PLA2G6: variants seen among roughly 807,000 people sequenced by gnomAD.
The protein encoded by PLA2G6 is 85/88 kDa calcium-independent phospholipase A2.
PLA2G6 carries 62 observed loss-of-function variants against 83.8 expected under a neutral mutation model. That is an observed-to-expected ratio of 0.74 (90% CI 0.60 to 0.91). The LOEUF is 0.91. Among genes scored for constraint, PLA2G6 ranks in the 40% least tolerant of loss-of-function variants. The pLI is 0.00. For missense variants in PLA2G6, 944 were observed against 1,102.0 expected, an observed-to-expected ratio of 0.86 and a Z score of 2.03; for synonymous variants, 417 against 449.8, an observed-to-expected ratio of 0.93 and a Z score of 0.92.
At chr22:38,113,408 C>A in intron 15 of PLA2G6, 79 bp downstream of exon 15, 1 of 1,369,074 alleles carries the variant, frequency 7.3e-7, no homozygotes, top group South Asian at 1.2e-5. Context: ...ACACCAAAGG[C>A]CCCACAGGAT....
At chr22:38,162,845 G>A (rs975837506) in intron 2 of PLA2G6, among the ~76,000 whole-genome samples, 4 of 152,154 alleles carry the variant, frequency 2.6e-5, no homozygotes, top group South Asian at 2.1e-4. Flanking sequence ...CGGGGCAAGC[G>A]GGTCCTTCAA....
intron 7 of PLA2G6, chr22:38,130,125 TG>T: frequency 4.7e-6 from 1 of 214,304 alleles, no homozygotes; most frequent in Non-Finnish European, 9.5e-6. Context: ...GAGGACACAC[TG>T]GCCACCTGGA....
In PLA2G6 at chr22:38,132,092, G is replaced by C; in HGVS notation, c.1077+739C>G. The C allele has an allele frequency of 2.2e-6, 1 of 454,722 alleles. No individual in the cohort carries two copies. Among genetic ancestry groups the C allele is most frequent in the Non-Finnish European group, 4.4e-6 (1 of 226,348 alleles). 28.2% of individuals were successfully genotyped at this position (454,722 alleles called of 1,614,324 possible). A position where few individuals can be genotyped will look rare whatever the true frequency, so the allele number is the denominator to read the frequency against. ...ATCGCGCCACTGCACTCCAGCCTGG[G>C]CGACAGTGCGAGACTCCATCTCGAA... On this transcript the variant is annotated intron_variant, in intron 7 of 16. Coordinates refer to ENST00000332509, the MANE Select transcript of PLA2G6 (RefSeq NM_003560.4). This position sits in a 1 kb window ranked among gnomAD's most constrained non-coding sequence, Gnocchi z 5.0.
chr22:38,112,157 A>G lies in PLA2G6; in HGVS notation c.*4T>C. On this transcript the variant is annotated 3_prime_UTR_variant, in exon 17 of 17. Coordinates refer to ENST00000332509, the MANE Select transcript of PLA2G6 (RefSeq NM_003560.4). ...AGCTGGGGCCGGTGAGAGGCTGGGG[A>G]CCCTCAGGGTGAGAGCAGCAGCTGG... The G allele has an allele frequency of 2.5e-6, 4 of 1,576,770 alleles. No individual in the cohort carries two copies. Among genetic ancestry groups the G allele is most frequent in the Non-Finnish European group, 3.4e-6 (4 of 1,161,862 alleles).
At chr22:38,112,927 G>A (rs1273481946) in intron 15 of PLA2G6, 2 of 438,938 alleles carry the variant, frequency 4.6e-6, no homozygotes, top group Non-Finnish European at 8.5e-6. Context: ...TTCTTTTTGA[G>A]ACAAGGTCTC....
At chr22:38,126,567 C>T in intron 9 of PLA2G6, 118 bp from the exon 10 acceptor site, 1 of 731,804 alleles carries the variant, frequency 1.4e-6, no homozygotes, top group Admixed American at 2.0e-5. Context: ...CTCATCCCCC[C>T]ACTCCCCCTG....
At chr22:38,117,499 A>C (rs2145694448) in intron 12 of PLA2G6, among the ~76,000 whole-genome samples, 1 of 152,158 alleles carries the variant, frequency 6.6e-6, no homozygotes, top group African/African-American at 2.4e-5. Context: ...CTGGCCAAAA[A>C]TCTTAAACAA....
chr22:38,122,035 G>A (rs950769660), intron 11 of PLA2G6, among the ~76,000 whole-genome samples: 15 of 152,106 alleles, frequency 9.9e-5, no homozygotes, highest in African/African-American at 4.8e-5. Flanking sequence ...GGACACTAAC[G>A]TCCCGGCAAC....
intron 2 of PLA2G6, among the ~76,000 whole-genome samples, chr22:38,167,604 T>C (rs988151782): frequency 5.9e-5 from 9 of 152,130 alleles, no homozygotes; most frequent in Admixed American, 2.6e-4. Context: ...TGGAAGGCGG[T>C]CTGCTCAGCC....
At chr22:38,143,717 G>C in intron 3 of PLA2G6, 1 of 321,914 alleles carries the variant, frequency 3.1e-6, no homozygotes, top group South Asian at 2.8e-5. Flanking sequence ...AGCACGCCTG[G>C]AAACTAAAGT....
intron 2 of PLA2G6, among the ~76,000 whole-genome samples, chr22:38,153,170 G>A (rs960670346): frequency 6.6e-6 from 1 of 152,244 alleles, no homozygotes; most frequent in Non-Finnish European, 1.5e-5. Flanking sequence ...GGTGGCTCAT[G>A]CCTGTAATCC....
intron 5 of PLA2G6, chr22:38,138,023 G>A (rs1265030723): frequency 6.6e-6 from 1 of 152,258 alleles, no homozygotes; most frequent in Non-Finnish European, 1.5e-5. Context: ...TGTCTTCTGT[G>A]CAAAGATCCT....
rs776376695 is a variant in PLA2G6 at position 38,145,543 on chromosome 22, AG to A, written c.319del (p.Leu107CysfsTer4). Reference protein sequence around the residue: ...SSPQVLHTEVLQHLTDLIRNH... With the variant: ...SSPQVLHTEVXQHLTDLIRNH... Reference sequence around the variant, plus strand: ...ACGGATGAGGTCGGTCAGGTGCTGCAGGACCTCAGTGTGCAGGACCTGAGGG... The same window carrying A: ...ACGGATGAGGTCGGTCAGGTGCTGCAGACCTCAGTGTGCAGGACCTGAGGG... On this transcript the variant is annotated frameshift_variant, in exon 3 of 17. Transcript: ENST00000332509. LOFTEE classifies it high-confidence loss of function. The A allele has an allele frequency of 3.7e-6, 6 of 1,613,506 alleles. No homozygotes were observed. Among genetic ancestry groups the A allele is most frequent in the Non-Finnish European group, 4.2e-6 (5 of 1,179,756 alleles).
At chr22:38,164,576 C>T (rs184073160) in intron 2 of PLA2G6, among the ~76,000 whole-genome samples, 179 of 152,346 alleles carry the variant, frequency 1.2e-3, no homozygotes, top group African/African-American at 4.1e-3. Context: ...AGCAGCAGTG[C>T]TGTGGGACTC....
intron 4 of PLA2G6, chr22:38,140,443 G>T: frequency 2.4e-6 from 1 of 422,712 alleles, no homozygotes; most frequent in South Asian, 2.1e-5. Context: ...AGGAGGCAGA[G>T]GTTGCAGTGA....
intron 7 of PLA2G6, 142 bp from the exon 8 acceptor site, chr22:38,129,704 C>T (rs1305558703): frequency 1.4e-6 from 1 of 712,678 alleles, no homozygotes; most frequent in Non-Finnish European, 2.6e-6. Flanking sequence ...CCTCCTCACC[C>T]CCACCCAAGT....
At chr22:38,127,507 AG>A in intron 9 of PLA2G6, 1 of 1,197,942 alleles carries the variant, frequency 8.3e-7, no homozygotes, top group Non-Finnish European at 1.1e-6. Context: ...AGTTCCTGGG[AG>A]GGGAGAGAGA....
chr22:38,177,290 G>A (rs537753005), intron 1 of PLA2G6, among the ~76,000 whole-genome samples: 207 of 151,922 alleles, frequency 1.4e-3, no homozygotes, highest in African/African-American at 4.8e-3. Context: ...GCAGCCTCCC[G>A]GCAAAATGTC....
rs2087669111 is a variant in PLA2G6 at position 38,123,805 on chromosome 22, A to C, written c.1428-547T>G. 6.6e-6 allele frequency among the ~76,000 whole-genome samples: 1 copy of C among 152,096 alleles called. No homozygotes were observed. Among genetic ancestry groups the C allele is most frequent in the South Asian group, 2.1e-4 (1 of 4,816 alleles). ...GCATTAGCTCATGTCATTGTCCCAAACGCCTCTGAGGCAGACCCTCCCTGA... is the reference window on the plus strand; with the variant it reads ...GCATTAGCTCATGTCATTGTCCCAACCGCCTCTGAGGCAGACCCTCCCTGA... On this transcript the variant is annotated intron_variant, in intron 10 of 16. Transcript: ENST00000332509. This position sits in a 1 kb window ranked among gnomAD's most constrained non-coding sequence, Gnocchi z 4.1.
Sources: gnomAD v4.1 joint callset for allele counts (sites outside exome capture counted in the v4.1 genomes callset) on GRCh38, gnomAD v4.1.1 for gene constraint, Gnocchi (gnomAD v3.1) non-coding constraint, MANE v1.5 for transcripts, NCBI Gene and HGNC (gene_info 2026-07-23, HGNC 2026-07-21) for gene names.